KLF8: variants seen among roughly 807,000 people sequenced by gnomAD.
The protein encoded by KLF8 is Krueppel-like factor 8.
In KLF8, 10 loss-of-function variants were observed where a neutral mutation model predicts 18.2. The ratio of observed to expected loss-of-function variants is 0.55; its 90% CI spans 0.34 to 0.93. The LOEUF (loss-of-function observed/expected upper bound fraction) is 0.93, where lower values mean the gene tolerates loss of function less well. Among genes scored for constraint, KLF8 ranks in the 40% least tolerant of loss-of-function variants. The pLI is 0.02. For missense variants in KLF8, 264 were observed against 277.9 expected (o/e 0.95, Z 0.36); for synonymous variants, 109 against 97.3 (o/e 1.12, Z -0.71).
the KLF8 span, among the ~76,000 whole-genome samples, chrX:56,147,348 AT>A: frequency 2.7e-5 from 3 of 111,985 alleles, no homozygotes; most frequent in Non-Finnish European, 5.6e-5. Context: ...CTATAGTGTA[AT>A]ATTGTGGCAT....
At chrX:56,081,152 A>G in the KLF8 span, among the ~76,000 whole-genome samples, 1 of 111,850 alleles carries the variant, frequency 8.9e-6, no homozygotes, top group African/African-American at 3.2e-5. Flanking sequence ...AGCTTGTCAA[A>G]GTCATTCTCC....
At chrX:55,939,731 G>C in the KLF8 span, among the ~76,000 whole-genome samples, 1 of 111,775 alleles carries the variant, frequency 8.9e-6, no homozygotes, top group Non-Finnish European at 1.9e-5. Context: ...GCTACCATCA[G>C]AGAATACTAT....
chrX:56,265,090 T>C (rs1444224117), intron 2 of KLF8, 90 bp from the exon 3 acceptor site: 2 of 1,024,275 alleles, frequency 2.0e-6, no homozygotes, highest in Non-Finnish European at 2.6e-6. Flanking sequence ...CCATGTGAAA[T>C]GAATAGAGAT....
chrX:56,023,607 C>T, the KLF8 span, among the ~76,000 whole-genome samples: 1 of 110,478 alleles, frequency 9.1e-6, no homozygotes, highest in Non-Finnish European at 1.9e-5. Flanking sequence ...CTAAACTGAA[C>T]CCCCAAATAC....
the KLF8 span, among the ~76,000 whole-genome samples, chrX:56,163,600 A>T: frequency 1.8e-5 from 2 of 111,638 alleles, no homozygotes; most frequent in African/African-American, 6.5e-5. Context: ...GTTTAATGAG[A>T]TTTCATTAGT....
the KLF8 span, among the ~76,000 whole-genome samples, chrX:56,040,916 C>G: frequency 1.4e-5 from 1 of 69,785 alleles, no homozygotes; most frequent in East Asian, 4.8e-4. Context: ...GGTTTGTAGG[C>G]TATTTATTAT....
At chrX:56,105,395 G>C in the KLF8 span, among the ~76,000 whole-genome samples, 1 of 111,538 alleles carries the variant, frequency 9.0e-6, no homozygotes, top group Non-Finnish European at 1.9e-5. Flanking sequence ...AGTCTGGGTA[G>C]TGCTGTATTG....
chrX:56,059,791 C>T, the KLF8 span, among the ~76,000 whole-genome samples: 103 of 111,418 alleles, frequency 9.2e-4, no homozygotes, highest in African/African-American at 3.1e-3. Context: ...TAGTGTGATG[C>T]CTTCAGCTTT....
At chrX:56,249,528 G>A (rs1338770331) in intron 1 of KLF8, among the ~76,000 whole-genome samples, 1 of 111,571 alleles carries the variant, frequency 9.0e-6, no homozygotes, top group Non-Finnish European at 1.9e-5. Context: ...TTCCATGGAA[G>A]CCTTAGGGTT....
the KLF8 span, among the ~76,000 whole-genome samples, chrX:56,057,111 T>A: frequency 2.7e-5 from 3 of 111,979 alleles, no homozygotes; most frequent in African/African-American, 9.7e-5. Context: ...CAAGGGGTCC[T>A]TTTTTGCAAG....
intron 2 of KLF8, 139 bp downstream of exon 2, chrX:56,250,443 T>G (rs1440159183): frequency 6.2e-6 from 3 of 484,981 alleles, no homozygotes; most frequent in Non-Finnish European, 1.1e-5. Context: ...GACATATTTC[T>G]AGAAAGTATA....
the KLF8 span, among the ~76,000 whole-genome samples, chrX:56,039,464 G>A: frequency 9.0e-6 from 1 of 111,703 alleles, no homozygotes; most frequent in African/African-American, 3.3e-5. Flanking sequence ...TATTAAATAG[G>A]GAATCCTTTC....
At chrX:56,052,700 A>C in the KLF8 span, among the ~76,000 whole-genome samples, 1 of 112,231 alleles carries the variant, frequency 8.9e-6, no homozygotes, top group African/African-American at 3.2e-5. Context: ...TTAAGTCTGC[A>C]GAGGTGACTG....
the KLF8 span, among the ~76,000 whole-genome samples, chrX:56,178,315 A>C: frequency 8.9e-6 from 1 of 112,029 alleles, no homozygotes; most frequent in Non-Finnish European, 1.9e-5. Context: ...TCCTTCACCC[A>C]CTTTTTGATG....
At chrX:56,223,635 G>A in the KLF8 span, among the ~76,000 whole-genome samples, 3 of 112,681 alleles carry the variant, frequency 2.7e-5, no homozygotes, top group Non-Finnish European at 5.6e-5. Flanking sequence ...TCACAGTAAG[G>A]ATTCTAGTGG....
chrX:56,083,583 G>T, the KLF8 span, among the ~76,000 whole-genome samples: 1 of 111,733 alleles, frequency 8.9e-6, no homozygotes, highest in Non-Finnish European at 1.9e-5. Context: ...ATTTTTGTTA[G>T]ACTATTTGAC....
At chrX:56,041,338 C>T in the KLF8 span, among the ~76,000 whole-genome samples, 4 of 111,030 alleles carry the variant, frequency 3.6e-5, no homozygotes, top group Non-Finnish European at 5.7e-5. Context: ...TGGCCAGCCT[C>T]GTCTTGAACT....
At chrX:56,029,230 T>G in the KLF8 span, among the ~76,000 whole-genome samples, 2 of 110,815 alleles carry the variant, frequency 1.8e-5, no homozygotes, top group East Asian at 5.7e-4. Flanking sequence ...AAGGCTCCAT[T>G]CTTCTCAGGG....
chrX:55,953,201 T>C, the KLF8 span, among the ~76,000 whole-genome samples: 1 of 111,328 alleles, frequency 9.0e-6, no homozygotes, highest in Non-Finnish European at 1.9e-5. Flanking sequence ...GAGGAGTATA[T>C]AGCAAAGTAT....
Sources: allele counts gnomAD v4.1 joint callset (sites outside exome capture counted in the v4.1 genomes callset), GRCh38; gene constraint gnomAD v4.1.1; transcripts MANE v1.5; gene names NCBI Gene and HGNC (gene_info 2026-07-23, HGNC 2026-07-21).